GALNTL6: variants seen among roughly 807,000 people sequenced by gnomAD.
The protein encoded by GALNTL6 is polypeptide N-acetylgalactosaminyltransferase-like 6.
Under a neutral mutation model 73.7 loss-of-function variants are expected in GALNTL6, and 46 were observed. The ratio of observed to expected loss-of-function variants is 0.62; its 90% CI spans 0.49 to 0.80. The LOEUF (loss-of-function observed/expected upper bound fraction) is 0.80. Ranked by LOEUF, GALNTL6 falls within the 30% of genes least tolerant of loss-of-function variation. The pLI is 0.00. For missense variants in GALNTL6, 604 were observed against 755.0 expected (o/e 0.80, Z 2.34); for synonymous variants, 259 against 263.7 (o/e 0.98, Z 0.17).
chr4:171,816,512 C>T (rs1006753297), intron 2 of GALNTL6, among the ~76,000 whole-genome samples: 8 of 151,912 alleles, frequency 5.3e-5, no homozygotes, highest in African/African-American at 1.2e-4. Context: ...AGAGAATTTT[C>T]GTATACTGTA....
chr4:172,998,189 T>C (rs1410105290), intron 10 of GALNTL6, among the ~76,000 whole-genome samples: 2 of 152,220 alleles, frequency 1.3e-5, no homozygotes, highest in South Asian at 2.1e-4. Context: ...AGGTGGTCTC[T>C]GCCAGCAGTC....
intron 5 of GALNTL6, among the ~76,000 whole-genome samples, chr4:172,422,239 T>G (rs2111364194): frequency 6.6e-6 from 1 of 152,240 alleles, no homozygotes; most frequent in South Asian, 2.1e-4. Context: ...TGGACTTCTC[T>G]CTTGAAAATA....
At chr4:172,067,210 T>C (rs746975451) in intron 2 of GALNTL6, among the ~76,000 whole-genome samples, 30 of 152,024 alleles carry the variant, frequency 2.0e-4, no homozygotes, top group South Asian at 4.2e-4. Context: ...AAACAAGAAA[T>C]CAATTTTTTG....
chr4:172,815,341 G>A (rs113970528), intron 7 of GALNTL6, among the ~76,000 whole-genome samples: 38 of 152,172 alleles, frequency 2.5e-4, no homozygotes, highest in South Asian at 6.2e-4. Flanking sequence ...TAAAACATGC[G>A]TGTGGAGAGG....
chr4:172,828,298 A>C (rs1742389349), intron 7 of GALNTL6, among the ~76,000 whole-genome samples: 1 of 150,864 alleles, frequency 6.6e-6, no homozygotes, highest in Non-Finnish European at 1.5e-5. Flanking sequence ...AGAAACAAAC[A>C]AAAAAAACAT....
At chr4:172,447,233 T>G (rs1361359519) in intron 5 of GALNTL6, among the ~76,000 whole-genome samples, 1 of 152,178 alleles carries the variant, frequency 6.6e-6, no homozygotes, top group African/African-American at 2.4e-5. Flanking sequence ...AGAAATGTTC[T>G]TTCTTTCCTC....
intron 8 of GALNTL6, among the ~76,000 whole-genome samples, chr4:172,913,963 A>G (rs1747357578): frequency 6.6e-6 from 1 of 152,320 alleles, no homozygotes; most frequent in East Asian, 1.9e-4. Context: ...GATTGAAATG[A>G]AGGAAAAAAT....
intron 5 of GALNTL6, chr4:172,669,009 A>G (rs1731824585): frequency 6.6e-6 from 1 of 152,194 alleles, no homozygotes; most frequent in South Asian, 2.1e-4. Context: ...ATGGAAAAAA[A>G]AAAGTTTTAT....
chr4:172,601,005 A>G (rs143831653), intron 5 of GALNTL6, among the ~76,000 whole-genome samples: 177 of 152,276 alleles, frequency 1.2e-3, no homozygotes, highest in African/African-American at 3.7e-3. Flanking sequence ...GAACAAAACC[A>G]GAAATGATTG....
intron 2 of GALNTL6, among the ~76,000 whole-genome samples, chr4:171,882,987 A>G (rs1736497202): frequency 6.6e-6 from 1 of 152,184 alleles, no homozygotes; most frequent in African/African-American, 2.4e-5. Flanking sequence ...TCAGATATCA[A>G]CTGTCCATCT....
chr4:171,836,388 G>T, intron 2 of GALNTL6, among the ~76,000 whole-genome samples: 1 of 152,072 alleles, frequency 6.6e-6, no homozygotes, highest in Middle Eastern at 3.4e-3. Flanking sequence ...GGCCAAGTCA[G>T]TATATTTTTA....
intron 5 of GALNTL6, among the ~76,000 whole-genome samples, chr4:172,794,519 G>T (rs1416864756): frequency 1.3e-5 from 2 of 152,144 alleles, no homozygotes; most frequent in East Asian, 3.9e-4. Flanking sequence ...AGACCTATTA[G>T]ATCATTTTCT....
chr4:172,229,558 G>T, intron 2 of GALNTL6, 98 bp from the exon 3 acceptor site: 1 of 661,826 alleles, frequency 1.5e-6, no homozygotes. Context: ...TTATTTAACA[G>T]ATATTCTTTG....
At chr4:172,524,214 C>CTTTATT (rs935287613) in intron 5 of GALNTL6, among the ~76,000 whole-genome samples, 29 of 151,690 alleles carry the variant, frequency 1.9e-4, no homozygotes, top group African/African-American at 6.5e-4. Flanking sequence ...AGCTATATTT[C>CTTTATT]TTTATTTTTA....
chr4:171,955,365 TA>T, intron 2 of GALNTL6, among the ~76,000 whole-genome samples: 1 of 84,092 alleles, frequency 1.2e-5, no homozygotes, highest in Non-Finnish European at 2.4e-5. Flanking sequence ...ACGAATGAAA[TA>T]TATCTATCTA....
intron 5 of GALNTL6, among the ~76,000 whole-genome samples, chr4:172,553,058 A>G (rs1736023045): frequency 6.6e-6 from 1 of 152,140 alleles, no homozygotes; most frequent in East Asian, 1.9e-4. Flanking sequence ...ATCTGTATTG[A>G]ACATGTGTTC....
chr4:172,838,879 C>A (rs534055846), intron 7 of GALNTL6, among the ~76,000 whole-genome samples: 1 of 152,226 alleles, frequency 6.6e-6, no homozygotes, highest in East Asian at 1.9e-4. Context: ...TAACCCATCA[C>A]CACAGGGCAT....
intron 2 of GALNTL6, among the ~76,000 whole-genome samples, chr4:172,182,012 C>T (rs544148082): frequency 7.2e-5 from 11 of 151,960 alleles, no homozygotes; most frequent in South Asian, 4.2e-4. Context: ...CCACCGCGCC[C>T]GGCCTTCAGC....
chr4:172,576,350 T>C (rs1736956168), intron 5 of GALNTL6, among the ~76,000 whole-genome samples: 2 of 152,164 alleles, frequency 1.3e-5, no homozygotes, highest in Admixed American at 1.3e-4. Flanking sequence ...ATGATATCCT[T>C]CATCATAAAA....
Sources: allele counts gnomAD v4.1 joint callset (sites outside exome capture counted in the v4.1 genomes callset), GRCh38; gene constraint gnomAD v4.1.1; transcripts MANE v1.5; gene names NCBI Gene and HGNC (gene_info 2026-07-23, HGNC 2026-07-21).